CNIH3: variants seen among roughly 807,000 people sequenced by gnomAD.
CNIH3 encodes protein cornichon homolog 3.
A neutral mutation model predicts 24.1 loss-of-function variants in CNIH3; 14 were observed. The observed-to-expected ratio is 0.58, with a 90% CI of 0.38 to 0.91. CNIH3 has a LOEUF of 0.91. Ranked by LOEUF, CNIH3 falls within the 40% of genes least tolerant of loss-of-function variation. The pLI, the probability that CNIH3 is intolerant of heterozygous loss-of-function variation, is 0.00. For synonymous variants in CNIH3, 68 were observed against 73.8 expected, an observed-to-expected ratio of 0.92 and a Z score of 0.40; for missense variants, 178 against 196.8, an observed-to-expected ratio of 0.90 and a Z score of 0.57.
chr1:224,730,573 A>C lies in CNIH3; in HGVS notation c.310A>C (p.Arg104=). The C allele has an allele frequency of 6.5e-7, 1 of 1,540,096 alleles. No individual in the cohort carries two copies. Among genetic ancestry groups the C allele is most frequent in the Non-Finnish European group, 8.8e-7 (1 of 1,135,714 alleles). The part of the protein sequence containing the change: ...NVPLLFYHFW[R]YFHCPADSSE... ...CCCTCTACTTTTCTATCACTTCTGG[A>C]GGTAAGTCAGACTGGGACTGGTATA... The change falls in exon 4 of 6, where the codon AGG becomes CGG. Residue 104 remains arginine, a splice_region_variant and synonymous_variant. Coordinates refer to ENST00000272133, the MANE Select transcript of CNIH3 (RefSeq NM_152495.2).
intron 3 of CNIH3, among the ~76,000 whole-genome samples, chr1:224,548,424 G>A (rs1679786117): frequency 6.6e-6 from 1 of 151,956 alleles, no homozygotes; most frequent in Admixed American, 6.6e-5. Flanking sequence ...CACCCTGTGT[G>A]TACACCCTGT....
chr1:224,549,218 A>G (rs1436867747), intron 3 of CNIH3, among the ~76,000 whole-genome samples: 1 of 151,982 alleles, frequency 6.6e-6, no homozygotes, highest in African/African-American at 2.4e-5. Flanking sequence ...CACACACTGG[A>G]TGTTATGGAA....
intron 1 of CNIH3, among the ~76,000 whole-genome samples, chr1:224,654,482 C>G (rs905444699): frequency 1.3e-5 from 2 of 152,326 alleles, no homozygotes; most frequent in Non-Finnish European, 2.9e-5. Context: ...AGAAGATATT[C>G]TATATGCTGA....
chr1:224,729,495 C>T (rs915811060), intron 3 of CNIH3, among the ~76,000 whole-genome samples: 2 of 138,254 alleles, frequency 1.4e-5, no homozygotes, highest in South Asian at 4.5e-4. Context: ...ATGGGAAGAA[C>T]AAAGTATTCA....
At chr1:224,732,854 C>T (rs918008170) in intron 4 of CNIH3, among the ~76,000 whole-genome samples, 1 of 152,152 alleles carries the variant, frequency 6.6e-6, no homozygotes, top group African/African-American at 2.4e-5. Flanking sequence ...GCTGCAATCT[C>T]CTTGCCAATA....
At chr1:224,553,686 T>C (rs1370832449) in intron 3 of CNIH3, among the ~76,000 whole-genome samples, 1 of 152,054 alleles carries the variant, frequency 6.6e-6, no homozygotes, top group Non-Finnish European at 1.5e-5. Context: ...CACCCTCCAG[T>C]CTTCTGTGCA....
At chr1:224,519,615 A>G (rs1161076754) in intron 1 of CNIH3, among the ~76,000 whole-genome samples, 1 of 149,702 alleles carries the variant, frequency 6.7e-6, no homozygotes, top group Non-Finnish European at 1.5e-5. Context: ...TAAATAATAT[A>G]TATAATATAC....
chr1:224,659,990 A>T (rs1193346702), intron 1 of CNIH3, among the ~76,000 whole-genome samples: 2 of 152,114 alleles, frequency 1.3e-5, no homozygotes, highest in Non-Finnish European at 2.9e-5. Flanking sequence ...TTTAAGGGAA[A>T]TTTTTTCTAA....
intron 3 of CNIH3, among the ~76,000 whole-genome samples, chr1:224,553,101 C>T (rs1679993926): frequency 6.7e-6 from 1 of 148,546 alleles, no homozygotes; most frequent in African/African-American, 2.5e-5. Context: ...TAATATATCT[C>T]TTTTAGATAG....
chr1:224,730,168 A>G, intron 3 of CNIH3: 1 of 272,070 alleles, frequency 3.7e-6, no homozygotes, highest in Non-Finnish European at 7.0e-6. Context: ...CAGTCTTCCC[A>G]GTGGCCATCC....
chr1:224,451,706 G>C (rs1363002172), intron 1 of CNIH3, among the ~76,000 whole-genome samples: 1 of 152,186 alleles, frequency 6.6e-6, no homozygotes, highest in Non-Finnish European at 1.5e-5. Flanking sequence ...TTTGGCCCAG[G>C]GGAAGAAAAT....
intron 1 of CNIH3, among the ~76,000 whole-genome samples, chr1:224,491,494 A>G (rs1197593025): frequency 6.6e-6 from 1 of 152,242 alleles, no homozygotes; most frequent in Non-Finnish European, 1.5e-5. Flanking sequence ...AACAATGGCA[A>G]TAAATACTCA....
chr1:224,455,260 A>G (rs1212515633), intron 1 of CNIH3, among the ~76,000 whole-genome samples: 1 of 152,206 alleles, frequency 6.6e-6, no homozygotes, highest in African/African-American at 2.4e-5. Context: ...ACACCATCAT[A>G]AAGTTGAAAA....
chr1:224,699,887 G>T (rs924750155), intron 3 of CNIH3, among the ~76,000 whole-genome samples: 1 of 152,180 alleles, frequency 6.6e-6, no homozygotes, highest in African/African-American at 2.4e-5. Flanking sequence ...GTCATTAGGG[G>T]AGAGTGTTAA....
rs567017057 is a variant in CNIH3 at position 224,671,423 on chromosome 1, A to G, written c.82-9535A>G. On this transcript the variant is annotated intron_variant, in intron 1 of 5. Coordinates refer to ENST00000272133, the MANE Select transcript of CNIH3 (RefSeq NM_152495.2). ...CTAAGCCTGCTGTGTCCTGCCCTGC[A>G]TGGCACCCCATGTGGATGGATGCAT... Among the ~76,000 whole-genome samples, 318 of 152,314 alleles carry G rather than the reference A, an allele frequency of 2.1e-3. 1 individual carries two copies. The highest frequency in any genetic ancestry group is 7.1e-3 in the African/African-American group (294 of 41,572).
At position 224,586,770 on chromosome 1, in the gene CNIH3, A is replaced by G. The variant is rs115750517; in HGVS notation, n.621-1591A>G. On this transcript the variant is annotated intron_variant and non_coding_transcript_variant, in intron 5 of 5. Coordinates refer to the CNIH3 transcript ENST00000471578. ...GGATTCAGGGTAGGCCCTAAATCCA[A>G]TGACTGGTGTCCTTATAAGAAGAGG... is the stretch of plus-strand genomic sequence containing the variant. Among the ~76,000 whole-genome samples the G allele has an allele frequency of 9.5e-3, 1,454 of 152,302 alleles. 28 individuals are homozygous for G. The highest frequency in any genetic ancestry group is 0.033 in the African/African-American group (1,356 of 41,550).
At chr1:224,607,638 CT>C (rs1220750974) in intron 3 of CNIH3, among the ~76,000 whole-genome samples, 1 of 152,096 alleles carries the variant, frequency 6.6e-6, no homozygotes, top group East Asian at 1.9e-4. Flanking sequence ...ACTTTTAGGT[CT>C]CTTCATGGTC....
At chr1:224,645,556 C>T (rs1684565238) in intron 1 of CNIH3, among the ~76,000 whole-genome samples, 1 of 152,254 alleles carries the variant, frequency 6.6e-6, no homozygotes, top group African/African-American at 2.4e-5. Context: ...CCTCTGTGCT[C>T]CTGATGTGCT....
At chr1:224,718,140 T>C (rs576346499) in intron 3 of CNIH3, among the ~76,000 whole-genome samples, 1 of 152,010 alleles carries the variant, frequency 6.6e-6, no homozygotes, top group Admixed American at 6.6e-5. Flanking sequence ...AAACGCACAA[T>C]AGGTACATTT....
Sources: gnomAD v4.1 joint callset for allele counts (sites outside exome capture counted in the v4.1 genomes callset) on GRCh38, gnomAD v4.1.1 for gene constraint, MANE v1.5 for transcripts, NCBI Gene and HGNC (gene_info 2026-07-23, HGNC 2026-07-21) for gene names.